NIPBL: variants seen among roughly 807,000 people sequenced by gnomAD.
The protein encoded by NIPBL is nipped-B-like protein.
In NIPBL, 19 loss-of-function variants were observed where a neutral mutation model predicts 321.8. The ratio of observed to expected loss-of-function variants is 0.06; its 90% confidence interval spans 0.04 to 0.09. The LOEUF is 0.09. Among genes scored for constraint, NIPBL ranks in the 10% least tolerant of loss-of-function variants. The pLI is 1.00. For missense variants in NIPBL, 2,210 were observed against 3,327.0 expected, an observed-to-expected ratio of 0.66 and a Z score of 8.26; for synonymous variants, 1,106 against 1,114.1, an observed-to-expected ratio of 0.99 and a Z score of 0.14.
chr5:36,915,419 T>C (rs899866121), intron 1 of NIPBL, among the ~76,000 whole-genome samples: 1 of 152,108 alleles, frequency 6.6e-6, no homozygotes, highest in East Asian at 1.9e-4. Context: ...GTACCACCCT[T>C]TCCTGCACAC....
chr5:36,971,890 T>G, intron 7 of NIPBL, 55 bp from the exon 8 acceptor site: 1 of 1,561,964 alleles, frequency 6.4e-7, no homozygotes, highest in Non-Finnish European at 8.8e-7. Context: ...TCTTTTAAGA[T>G]TTCTATAAAG....
At chr5:36,974,030 C>T (rs963203279) in intron 8 of NIPBL, among the ~76,000 whole-genome samples, 6 of 152,070 alleles carry the variant, frequency 3.9e-5, no homozygotes, top group Admixed American at 2.6e-4. Flanking sequence ...GATAAAAACC[C>T]GGCTTCTGAA....
At chr5:36,989,753 C>T (rs749456612) in intron 10 of NIPBL, among the ~76,000 whole-genome samples, 40 of 149,708 alleles carry the variant, frequency 2.7e-4, no homozygotes, top group South Asian at 2.1e-4. Flanking sequence ...GCAGGAGAAT[C>T]GCTTGAACCC....
chr5:36,939,765 A>G (rs1056765919), intron 1 of NIPBL, among the ~76,000 whole-genome samples: 1 of 152,174 alleles, frequency 6.6e-6, no homozygotes, highest in African/African-American at 2.4e-5. Flanking sequence ...AGAGAGCACA[A>G]GACATTAGTG....
intron 24 of NIPBL, among the ~76,000 whole-genome samples, chr5:37,017,562 T>C (rs914126376): frequency 4.0e-5 from 6 of 151,822 alleles, no homozygotes; most frequent in East Asian, 1.9e-4. Context: ...TTTTATACTT[T>C]ATTACATTAG....
Position 36,953,660 on chromosome 5 carries a change from A to G in NIPBL, c.-37A>G. 6.4e-7 allele frequency: 1 copy of G among 1,573,460 alleles called. No individual in the cohort carries two copies. Among genetic ancestry groups the G allele is most frequent in the East Asian group, 2.2e-5 (1 of 44,670 alleles). ...GTAATGACAGCTGGCACCTGAACTAAGTACTTTTATAGGCAACACCATTCC... is the reference window on the plus strand; with the variant it reads ...GTAATGACAGCTGGCACCTGAACTAGGTACTTTTATAGGCAACACCATTCC... On this transcript the variant is annotated 5_prime_UTR_variant, in exon 2 of 47. It removes the in-frame stop codon of an upstream open reading frame in the 5' UTR. Coordinates refer to ENST00000282516, the MANE Select transcript of NIPBL (RefSeq NM_133433.4).
chr5:37,017,320 T>C (rs556427176), intron 24 of NIPBL, among the ~76,000 whole-genome samples, 158 bp downstream of exon 24: 102 of 152,282 alleles, frequency 6.7e-4, no homozygotes, highest in Middle Eastern at 3.4e-3. Flanking sequence ...TTTTAAGACC[T>C]GAGAATGAAT....
At position 37,000,775 on chromosome 5, in the gene NIPBL, T is replaced by C; in HGVS notation, c.3503-42T>C. 2.0e-6 allele frequency: 3 copies of C among 1,507,640 alleles called. 1 individual carries two copies. In the African/African-American group the frequency reaches 4.1e-5, roughly 21 times the overall value. The allele number at this position is 1,507,640 out of a possible 1,614,324, so 93.4% of individuals were successfully genotyped here. A position where few individuals can be genotyped will look rare whatever the true frequency, so the allele number is the denominator to read the frequency against. ...GAAACAAAAATGGAATTATTTTAAG[T>C]TGTCAGTCCTGCATTTCAGTACTTC... is the stretch of plus-strand genomic sequence containing the variant. On this transcript the variant is annotated intron_variant, in intron 12 of 46. Coordinates refer to ENST00000282516, the MANE Select transcript of NIPBL (RefSeq NM_133433.4).
At chr5:36,932,090 T>C (rs1251137002) in intron 1 of NIPBL, among the ~76,000 whole-genome samples, 1 of 152,178 alleles carries the variant, frequency 6.6e-6, no homozygotes, top group Non-Finnish European at 1.5e-5. Flanking sequence ...GTTTTAATTT[T>C]ATTCTTTTGT....
intron 44 of NIPBL, among the ~76,000 whole-genome samples, chr5:37,059,421 C>T (rs1289475233): frequency 6.6e-5 from 10 of 152,130 alleles, no homozygotes; most frequent in Non-Finnish European, 1.2e-4. Context: ...GCAGGAAAAT[C>T]GCTTAAACCT....
At chr5:36,911,834 T>C (rs1032088735) in intron 1 of NIPBL, among the ~76,000 whole-genome samples, 1 of 151,962 alleles carries the variant, frequency 6.6e-6, no homozygotes, top group Non-Finnish European at 1.5e-5. Context: ...TAACTGAAAT[T>C]AGGAAAGCAA....
intron 32 of NIPBL, among the ~76,000 whole-genome samples, chr5:37,034,007 A>G (rs1751418102): frequency 6.6e-6 from 1 of 152,082 alleles, no homozygotes; most frequent in South Asian, 2.1e-4. Flanking sequence ...ACCAACAATT[A>G]ATACCGAGAA....
At chr5:36,903,476 A>G (rs146512567) in intron 1 of NIPBL, among the ~76,000 whole-genome samples, 2 of 152,178 alleles carry the variant, frequency 1.3e-5, no homozygotes, top group Admixed American at 6.5e-5. Context: ...TATTATTTTC[A>G]TATTGTAATT....
At chr5:36,940,446 C>T (rs993795974) in intron 1 of NIPBL, among the ~76,000 whole-genome samples, 2 of 152,120 alleles carry the variant, frequency 1.3e-5, no homozygotes, top group African/African-American at 2.4e-5. Flanking sequence ...TCACTATGTA[C>T]CAGTTACATA....
At position 36,957,758 on chromosome 5, in the gene NIPBL, A is replaced by T. The variant is rs542725508; in HGVS notation, c.231-346A>T. 9.7e-3 allele frequency among the ~76,000 whole-genome samples: 1,475 copies of T among 152,138 alleles called. 33 individuals are homozygous for T. Among genetic ancestry groups the T allele is most frequent in the African/African-American group, 0.034 (1,428 of 41,500 alleles). ...AGCACTTTGGGAGGCCGAGGCGGGCAGACCATCTGAGGTCAGGAGTTAGAG... is the reference window on the plus strand; with the variant it reads ...AGCACTTTGGGAGGCCGAGGCGGGCTGACCATCTGAGGTCAGGAGTTAGAG... On this transcript the variant is annotated intron_variant, in intron 3 of 46. Transcript: ENST00000282516.
rs147559794 is a variant in NIPBL at position 37,028,632 on chromosome 5, G to C, written c.5862+1220G>C. On this transcript the variant is annotated intron_variant, in intron 32 of 46. Transcript: ENST00000282516. The stretch of plus-strand genomic sequence containing the variant: ...CTGAGATACAGGTGTGGGCCACCAT[G>C]CCCAGCCTGTAATACTTTTAAAACA... Among the ~76,000 whole-genome samples, 22 of 152,174 alleles carry C rather than the reference G, an allele frequency of 1.4e-4. No homozygotes were observed. In the East Asian group the frequency reaches 3.9e-3, roughly 27 times the overall value.
At chr5:36,929,324 CT>C (rs935890536) in intron 1 of NIPBL, among the ~76,000 whole-genome samples, 7 of 151,744 alleles carry the variant, frequency 4.6e-5, no homozygotes, top group East Asian at 1.9e-4. Flanking sequence ...ATATTGAGCA[CT>C]TTTTTTTGTA....
chr5:36,945,143 G>A (rs1482810383), intron 1 of NIPBL, among the ~76,000 whole-genome samples: 1 of 152,044 alleles, frequency 6.6e-6, no homozygotes, highest in African/African-American at 2.4e-5. Context: ...AGACGCGCTT[G>A]GAAATTTCCT....
chr5:36,886,784 C>T (rs1745941156), intron 1 of NIPBL, among the ~76,000 whole-genome samples: 1 of 151,394 alleles, frequency 6.6e-6, no homozygotes, highest in Non-Finnish European at 1.5e-5. Flanking sequence ...TTTCCTGCTC[C>T]TACTGCAGCC....
Sources: gnomAD v4.1 joint callset for allele counts (sites outside exome capture counted in the v4.1 genomes callset) on GRCh38, gnomAD v4.1.1 for gene constraint, MANE v1.5 for transcripts, NCBI Gene and HGNC (gene_info 2026-07-23, HGNC 2026-07-21) for gene names.